KCNIP4: variants seen among roughly 807,000 people sequenced by gnomAD.
The protein encoded by KCNIP4 is potassium voltage-gated channel interacting protein 4, also known as Kv channel-interacting protein 4.
A neutral mutation model predicts 34.0 loss-of-function variants in KCNIP4; 12 were observed. The observed-to-expected ratio is 0.35, with a 90% confidence interval of 0.23 to 0.57. KCNIP4 has a LOEUF of 0.57. Among genes scored for constraint, KCNIP4 ranks in the 20% least tolerant of loss-of-function variants. KCNIP4 has a pLI of 0.83. For missense variants in KCNIP4, 238 were observed against 311.7 expected, an observed-to-expected ratio of 0.76 and a Z score of 1.78; for synonymous variants, 124 against 102.2, an observed-to-expected ratio of 1.21 and a Z score of -1.29.
chr4:21,667,851 C>T (rs763156541), intron 1 of KCNIP4, among the ~76,000 whole-genome samples: 20 of 152,192 alleles, frequency 1.3e-4, no homozygotes, highest in Non-Finnish European at 2.2e-4. Context: ...GTGGGACAGG[C>T]GGTGCAGCAA....
chr4:21,609,789 C>T (rs2109142394), intron 1 of KCNIP4, among the ~76,000 whole-genome samples: 1 of 152,294 alleles, frequency 6.6e-6, no homozygotes, highest in Middle Eastern at 3.4e-3. Flanking sequence ...ATGTAGCGAG[C>T]ACCCTACTAT....
At chr4:20,836,544 G>A (rs937125180) in intron 3 of KCNIP4, among the ~76,000 whole-genome samples, 2 of 152,154 alleles carry the variant, frequency 1.3e-5, no homozygotes, top group African/African-American at 4.8e-5. Context: ...CTGTAGGGCA[G>A]GTGAGCAGGC....
At chr4:20,734,782 CAAAAACAAAAA>C (rs747007054) in intron 5 of KCNIP4, 47 bp from the exon 6 acceptor site, 7 of 1,153,590 alleles carry the variant, frequency 6.1e-6, no homozygotes. Flanking sequence ...TTTAAAAAAA[CAAAAACAAAAA>C]AAACAAATGA....
At chr4:21,010,118 G>A (rs760771254) in intron 1 of KCNIP4, among the ~76,000 whole-genome samples, 2 of 152,122 alleles carry the variant, frequency 1.3e-5, no homozygotes, top group Non-Finnish European at 2.9e-5. Context: ...GACTTCAACA[G>A]TAGGTCACAC....
chr4:21,416,513 C>T (rs1463593865), intron 1 of KCNIP4, among the ~76,000 whole-genome samples: 1 of 152,130 alleles, frequency 6.6e-6, no homozygotes, highest in African/African-American at 2.4e-5. Flanking sequence ...AACAAAGGAA[C>T]AAGTGGCAAT....
intron 3 of KCNIP4, among the ~76,000 whole-genome samples, chr4:20,839,509 T>TAG (rs1054441768): frequency 2.7e-5 from 4 of 149,016 alleles, no homozygotes; most frequent in African/African-American, 9.8e-5. Flanking sequence ...TATATATATA[T>TAG]AGATAGGTTA....
At chr4:20,968,243 G>T (rs1054912198) in intron 1 of KCNIP4, among the ~76,000 whole-genome samples, 1 of 152,156 alleles carries the variant, frequency 6.6e-6, no homozygotes, top group Admixed American at 6.5e-5. Flanking sequence ...TCTCACACCA[G>T]TTAGAATGGT....
intron 3 of KCNIP4, among the ~76,000 whole-genome samples, chr4:20,808,804 G>C (rs1303349599): frequency 6.6e-6 from 1 of 152,124 alleles, no homozygotes; most frequent in Non-Finnish European, 1.5e-5. Flanking sequence ...AGATGAACTA[G>C]TTAAGACAGG....
At chr4:21,341,438 A>G (rs1716754881) in intron 1 of KCNIP4, among the ~76,000 whole-genome samples, 1 of 152,162 alleles carries the variant, frequency 6.6e-6, no homozygotes, top group Admixed American at 6.6e-5. Context: ...TAATTGTGCA[A>G]ACATGTGGAT....
At chr4:21,301,363 T>G (rs1711672575) in intron 1 of KCNIP4, among the ~76,000 whole-genome samples, 1 of 152,102 alleles carries the variant, frequency 6.6e-6, no homozygotes, top group African/African-American at 2.4e-5. Flanking sequence ...AACTACATTG[T>G]GAATACCATG....
intron 1 of KCNIP4, among the ~76,000 whole-genome samples, chr4:21,908,931 G>A (rs1225636234): frequency 2.0e-5 from 3 of 152,154 alleles, no homozygotes; most frequent in Admixed American, 1.3e-4. Flanking sequence ...CTACAACTCT[G>A]AGTTTGTGTG....
chr4:21,204,746 C>A (rs913534671), intron 1 of KCNIP4, among the ~76,000 whole-genome samples: 1 of 152,140 alleles, frequency 6.6e-6, no homozygotes, highest in Non-Finnish European at 1.5e-5. Context: ...TTGAAATGGG[C>A]AGCTTTTTTA....
intron 1 of KCNIP4, among the ~76,000 whole-genome samples, chr4:21,609,746 T>G (rs886070761): frequency 6.6e-6 from 1 of 152,218 alleles, no homozygotes; most frequent in African/African-American, 2.4e-5. Context: ...CTGTGAGTTA[T>G]ACTTGACTAC....
rs139222488 is a variant in KCNIP4, at chr4:21,084,297, G to A, written c.62-201588C>T. 2.2e-3 allele frequency among the ~76,000 whole-genome samples: 330 copies of A among 152,046 alleles called. 3 individuals are homozygous for A. Among genetic ancestry groups the A allele is most frequent in the Middle Eastern group, 0.014 (4 of 292 alleles). ...GATGGACGTGGACTGCTCTCAGGGCGCAGTGACAATTATGACTTAGTCATC... is the reference window on the plus strand; with the variant it reads ...GATGGACGTGGACTGCTCTCAGGGCACAGTGACAATTATGACTTAGTCATC... On this transcript the variant is annotated intron_variant, in intron 1 of 8. Coordinates refer to ENST00000382152, the MANE Select transcript of KCNIP4 (RefSeq NM_025221.6).
chr4:21,654,688 C>T (rs1747781400), intron 1 of KCNIP4, among the ~76,000 whole-genome samples: 1 of 151,998 alleles, frequency 6.6e-6, no homozygotes, highest in South Asian at 2.1e-4. Context: ...CTTTGGGACG[C>T]CGAGGCAGGC....
At chr4:21,591,917 G>T (rs949150992) in intron 1 of KCNIP4, among the ~76,000 whole-genome samples, 1 of 152,016 alleles carries the variant, frequency 6.6e-6, no homozygotes. Context: ...AGAATAAATT[G>T]TTCTAATTGA....
At chr4:21,716,679 T>C (rs1489594264) in intron 1 of KCNIP4, among the ~76,000 whole-genome samples, 3 of 152,162 alleles carry the variant, frequency 2.0e-5, no homozygotes, top group Non-Finnish European at 2.9e-5. Flanking sequence ...AGTGAGTCAA[T>C]TTAGATCACA....
intron 1 of KCNIP4, among the ~76,000 whole-genome samples, chr4:21,525,794 A>G (rs1018368668): frequency 1.3e-5 from 2 of 152,188 alleles, no homozygotes; most frequent in African/African-American, 4.8e-5. Context: ...AATAATTAAT[A>G]GAAATTCAAT....
At chr4:20,811,438 C>A (rs1715736881) in intron 3 of KCNIP4, among the ~76,000 whole-genome samples, 2 of 151,868 alleles carry the variant, frequency 1.3e-5, no homozygotes. Flanking sequence ...TCATTGTAAA[C>A]AAGTATCCCA....
Sources: allele counts gnomAD v4.1 joint callset (sites outside exome capture counted in the v4.1 genomes callset), GRCh38; gene constraint gnomAD v4.1.1; transcripts MANE v1.5; gene names NCBI Gene and HGNC (gene_info 2026-07-23, HGNC 2026-07-21).